SPATA17: variants seen among roughly 807,000 people sequenced by gnomAD.
SPATA17 encodes spermatogenesis-associated protein 17.
Under a neutral mutation model 62.2 loss-of-function variants are expected in SPATA17, and 53 were observed. That is an observed-to-expected ratio of 0.85 (90% CI 0.68 to 1.07). SPATA17 has a LOEUF of 1.07. Among genes scored for constraint, SPATA17 ranks in the 50% least tolerant of loss-of-function variants. SPATA17 has a pLI of 0.00. For synonymous variants in SPATA17, 146 were observed against 146.8 expected (o/e 0.99, Z 0.04); for missense variants, 466 against 425.5 (o/e 1.10, Z -0.84).
rs530912134 is a variant in SPATA17, at chr1:217,710,612, T to A, written c.395+27251T>A. Among the ~76,000 whole-genome samples, 40 of 152,276 alleles carry A rather than the reference T, an allele frequency of 2.6e-4. 1 individual carries two copies. Among genetic ancestry groups the A allele is most frequent in the African/African-American group, 9.4e-4 (39 of 41,572 alleles). ...TTTTTATGGATATTATTTTCTACCT[T>A]TTATGTATCATGAAAGTTTTTTAAA... is the stretch of plus-strand genomic sequence containing the variant. On this transcript the variant is annotated intron_variant, in intron 5 of 10. Transcript: ENST00000366933.
At chr1:217,776,890 T>G (rs1673608503) in intron 7 of SPATA17, among the ~76,000 whole-genome samples, 1 of 151,962 alleles carries the variant, frequency 6.6e-6, no homozygotes, top group Non-Finnish European at 1.5e-5. Flanking sequence ...TGAGTGATCC[T>G]AGGGAGAGAG....
intron 5 of SPATA17, among the ~76,000 whole-genome samples, chr1:217,739,798 T>C (rs1672587160): frequency 6.6e-6 from 1 of 152,154 alleles, no homozygotes; most frequent in South Asian, 2.1e-4. Context: ...ATTACTGTCT[T>C]GTTCAGTATA....
intron 9 of SPATA17, among the ~76,000 whole-genome samples, chr1:217,832,531 G>T (rs902409342): frequency 6.6e-6 from 1 of 152,114 alleles, no homozygotes; most frequent in East Asian, 1.9e-4. Flanking sequence ...GGTGTTCTAT[G>T]ATGAAAATCA....
chr1:217,631,501 G>T, intron 1 of SPATA17, 55 bp downstream of exon 1: 1 of 1,576,566 alleles, frequency 6.3e-7, no homozygotes, highest in Non-Finnish European at 8.7e-7. Context: ...TATACCAGTT[G>T]TTCCTCAGCG....
At chr1:217,647,879 C>T (rs1160194336) in intron 1 of SPATA17, among the ~76,000 whole-genome samples, 3 of 151,992 alleles carry the variant, frequency 2.0e-5, no homozygotes, top group East Asian at 1.9e-4. Flanking sequence ...CCCGCCACCA[C>T]GCTTGGCTAA....
chr1:217,714,828 G>A (rs1481576501), intron 5 of SPATA17, among the ~76,000 whole-genome samples: 1 of 152,142 alleles, frequency 6.6e-6, no homozygotes, highest in Non-Finnish European at 1.5e-5. Context: ...ATAATAGTCT[G>A]ACTTGTACTC....
chr1:217,708,999 AAAATCTTCAACAAACAAG>A (rs542561451), intron 5 of SPATA17, among the ~76,000 whole-genome samples: 51 of 152,350 alleles, frequency 3.3e-4, no homozygotes, highest in African/African-American at 1.2e-3. Flanking sequence ...CTTCATGATA[AAAATCTTCAACAAACAAG>A]GCATTGAAGG....
At chr1:217,787,238 C>G (rs1416475186) in intron 8 of SPATA17, among the ~76,000 whole-genome samples, 2 of 152,132 alleles carry the variant, frequency 1.3e-5, no homozygotes, top group Non-Finnish European at 2.9e-5. Flanking sequence ...TCTACCTAGT[C>G]TTACTCTCAC....
chr1:217,765,390 A>G (rs1673274635), intron 6 of SPATA17, among the ~76,000 whole-genome samples: 1 of 151,734 alleles, frequency 6.6e-6, no homozygotes, highest in Admixed American at 6.6e-5. Context: ...TTTTTCTAAT[A>G]TATGCATTCA....
chr1:217,635,971 A>G (rs1669927789), intron 1 of SPATA17, among the ~76,000 whole-genome samples: 1 of 151,706 alleles, frequency 6.6e-6, no homozygotes, highest in South Asian at 2.1e-4. Flanking sequence ...CGTCTCTACT[A>G]AAAATACAAA....
intron 6 of SPATA17, among the ~76,000 whole-genome samples, chr1:217,760,282 A>G (rs576556582): frequency 6.6e-6 from 1 of 152,180 alleles, no homozygotes; most frequent in Non-Finnish European, 1.5e-5. Context: ...GCCTTCTACT[A>G]TCAAGATCAG....
intron 6 of SPATA17, among the ~76,000 whole-genome samples, chr1:217,772,435 A>C (rs768658117): frequency 3.3e-5 from 5 of 152,198 alleles, no homozygotes; most frequent in Non-Finnish European, 5.9e-5. Flanking sequence ...GTATCCAATA[A>C]AATTTAGTCT....
intron 5 of SPATA17, among the ~76,000 whole-genome samples, chr1:217,694,869 G>T (rs1671420898): frequency 1.4e-5 from 2 of 140,564 alleles, no homozygotes; most frequent in African/African-American, 5.3e-5. Flanking sequence ...TCCGCTGTTA[G>T]TCTGATGGGC....
At chr1:217,687,706 C>T (rs536757782) in intron 5 of SPATA17, among the ~76,000 whole-genome samples, 1 of 152,136 alleles carries the variant, frequency 6.6e-6, no homozygotes, top group East Asian at 1.9e-4. Context: ...GATGTATGCA[C>T]GATGATGAAA....
In SPATA17 at chr1:217,782,054, G is replaced by T. The variant is rs1314709826; in HGVS notation, c.724-120G>T. 8 of 919,864 alleles carry T rather than the reference G, an allele frequency of 8.7e-6. No homozygotes were observed. The South Asian group carries it at 2.2e-4, about 25-fold the overall frequency. 57.0% of individuals were successfully genotyped at this position (919,864 alleles called of 1,614,324 possible). The stretch of plus-strand genomic sequence containing the variant: ...ATTCTAACTCAGCGAAGAACAAATG[G>T]TGTTTTAAAAATAACTTAGTAAACC... On this transcript the variant is annotated intron_variant, in intron 7 of 10. Coordinates refer to ENST00000366933, the MANE Select transcript of SPATA17 (RefSeq NM_138796.4).
At chr1:217,829,484 C>T (rs1310549105) in intron 9 of SPATA17, among the ~76,000 whole-genome samples, 5 of 151,424 alleles carry the variant, frequency 3.3e-5, no homozygotes, top group East Asian at 2.0e-4. Flanking sequence ...AAAAATTAGC[C>T]GGGCATGGTG....
intron 1 of SPATA17, among the ~76,000 whole-genome samples, chr1:217,641,975 T>C (rs1670076043): frequency 6.6e-6 from 1 of 152,220 alleles, no homozygotes; most frequent in African/African-American, 2.4e-5. Context: ...ATTCATGACC[T>C]TGACACTTTT....
intron 9 of SPATA17, among the ~76,000 whole-genome samples, chr1:217,828,646 A>C (rs907576344): frequency 7.2e-5 from 11 of 151,894 alleles, no homozygotes; most frequent in African/African-American, 2.7e-4. Flanking sequence ...GAAACAATCA[A>C]CAACATGAAA....
At chr1:217,706,852 C>A (rs1020024629) in intron 5 of SPATA17, among the ~76,000 whole-genome samples, 1 of 149,874 alleles carries the variant, frequency 6.7e-6, no homozygotes, top group African/African-American at 2.5e-5. Flanking sequence ...GTATTTCTTT[C>A]TTCCTTTCTT....
Sources: allele counts gnomAD v4.1 joint callset (sites outside exome capture counted in the v4.1 genomes callset), GRCh38; gene constraint gnomAD v4.1.1; transcripts MANE v1.5; gene names NCBI Gene and HGNC (gene_info 2026-07-23, HGNC 2026-07-21).